Variants in COL6A2 observed in about 807,000 individuals in gnomAD.
COL6A2 encodes the protein collagen type VI alpha 2 chain.
A neutral mutation model predicts 124.9 loss-of-function variants in COL6A2; 90 were observed. That is an observed-to-expected ratio of 0.72 (90% CI 0.61 to 0.86). COL6A2 has a LOEUF of 0.86. Ranked by LOEUF, COL6A2 falls within the 40% of genes least tolerant of loss-of-function variation. COL6A2 has a pLI of 0.00. For missense variants in COL6A2, 1,607 were observed against 1,502.5 expected (o/e 1.07, Z -1.15); for synonymous variants, 793 against 618.2 (o/e 1.28, Z -4.19).
intron 27 of COL6A2, among the ~76,000 whole-genome samples, chr21:46,127,232 G>C (rs1006547463): frequency 6.6e-6 from 1 of 152,168 alleles, no homozygotes; most frequent in East Asian, 1.9e-4. Context: ...GGATGCCATG[G>C]AGACAGGGTG....
Position 46,116,232 on chromosome 21 carries a change from C to G in COL6A2, c.901-145C>G. The G allele has an allele frequency of 8.6e-7, 1 of 1,163,800 alleles. No homozygotes were observed. The highest frequency in any genetic ancestry group is 1.3e-6 in the Non-Finnish European group (1 of 799,298). The allele number at this position is 1,163,800 out of a possible 1,614,324, so 72.1% of individuals were successfully genotyped here. ...ACCCAGCCTCCAGCCCGACCCAGGG[C>G]TCAGCCTCCTCCGCAGACTGTTTGT... On this transcript the variant is annotated intron_variant, in intron 7 of 27. Coordinates refer to ENST00000300527, the MANE Select transcript of COL6A2 (RefSeq NM_001849.4). This position sits in a 1 kb window ranked among gnomAD's most constrained non-coding sequence, Gnocchi z 4.6.
Position 46,126,043 on chromosome 21 carries a change from A to G in COL6A2, c.2228A>G (p.Asn743Ser). The change falls in exon 26 of 28, where the codon AAC (asparagine) becomes AGC (serine). Residue 743 changes from asparagine (N) to serine (S), a missense_variant. Coordinates refer to ENST00000300527, the MANE Select transcript of COL6A2 (RefSeq NM_001849.4). The part of the protein sequence containing the change: ...GRHDPRDDDL[N>S]LRALCDRDVT... Reference sequence around the variant, plus strand: ...CACGACCCTCGGGACGATGACCTCAACTTGCGGGCGCTGTGCGACCGCGAC... The same window carrying G: ...CACGACCCTCGGGACGATGACCTCAGCTTGCGGGCGCTGTGCGACCGCGAC... 1 of 1,613,044 alleles carries G rather than the reference A, an allele frequency of 6.2e-7. No individual in the cohort carries two copies. Among genetic ancestry groups the G allele is most frequent in the Non-Finnish European group, 8.5e-7 (1 of 1,179,986 alleles).
intron 1 of COL6A2, among the ~76,000 whole-genome samples, chr21:46,099,542 G>A (rs2078264544): frequency 6.6e-6 from 1 of 151,130 alleles, no homozygotes; most frequent in Admixed American, 6.6e-5. Flanking sequence ...TTGAGTTGCT[G>A]CCTCCTGTGG....
intron 27 of COL6A2, chr21:46,129,638 C>T (rs756380220): frequency 5.5e-5 from 78 of 1,426,880 alleles, no homozygotes; most frequent in Non-Finnish European, 7.1e-5. Context: ...TCTGGGGCAG[C>T]TCCCAGCCTC....
rs370531466 is a variant in COL6A2, at chr21:46,112,196, G to A, written c.333G>A (p.Pro111=). Residue 111 remains proline, a synonymous_variant, in exon 3 of 28, where the codon CCG becomes CCA. Transcript: ENST00000300527. ...FSDQVEVFSP[P]GSDRASFIKN... is the part of the protein sequence containing the mutation. ...ACCAGGTGGAGGTGTTCAGCCCACC[G>A]GGCAGCGACCGGGCCTCCTTCATCA... 2.3e-5 allele frequency: 37 copies of A among 1,612,800 alleles called. No individual in the cohort carries two copies. Among genetic ancestry groups the A allele is most frequent in the Admixed American group, 6.7e-5 (4 of 60,010 alleles).
At chr21:46,111,106 G>C (rs139058395) in intron 1 of COL6A2, among the ~76,000 whole-genome samples, 1 of 152,138 alleles carries the variant, frequency 6.6e-6, no homozygotes, top group South Asian at 2.1e-4. Flanking sequence ...AGTGGGGGGC[G>C]CCAGACAGTG....
chr21:46,114,436 AAAAAG>A (rs1017046423), intron 5 of COL6A2, among the ~76,000 whole-genome samples: 24 of 152,056 alleles, frequency 1.6e-4, no homozygotes, highest in African/African-American at 4.1e-4. Flanking sequence ...AAAAAAAAAA[AAAAAG>A]AAAAGAAAGC....
chr21:46,104,650 A>G (rs2078318913), intron 1 of COL6A2, among the ~76,000 whole-genome samples: 1 of 152,234 alleles, frequency 6.6e-6, no homozygotes, highest in Non-Finnish European at 1.5e-5. Context: ...CTTCTAAAAT[A>G]TGATGAATGA....
At position 46,122,895 on chromosome 21, in the gene COL6A2, C is replaced by T; in HGVS notation, c.1629C>T (p.Gly543=). 1.2e-6 allele frequency: 2 copies of T among 1,613,386 alleles called. No individual in the cohort carries two copies. Among genetic ancestry groups the T allele is most frequent in the Non-Finnish European group, 1.7e-6 (2 of 1,179,954 alleles). Residue 543 remains glycine (G), a synonymous_variant, in exon 21 of 28, where the codon GGC becomes GGT. Coordinates refer to ENST00000300527, the MANE Select transcript of COL6A2 (RefSeq NM_001849.4). ...CACAGGGAGGCCGAGGCGACTTTGG[C>T]TTGAAAGGAGAACCTGGGAGGAAAG... The part of the protein sequence containing the change: ...RGPEGGRGDF[G]LKGEPGRKGE...
rs542139336 is a variant in COL6A2, at chr21:46,130,622, G to A, written c.2462-1332G>A. Among the ~76,000 whole-genome samples, 16 of 152,274 alleles carry A rather than the reference G, an allele frequency of 1.1e-4. No homozygotes were observed. In the East Asian group the frequency reaches 2.1e-3, roughly 20 times the overall value. On this transcript the variant is annotated intron_variant, in intron 27 of 27. Coordinates refer to ENST00000300527, the MANE Select transcript of COL6A2 (RefSeq NM_001849.4). ...CCTGGCCGGCCCCCACAGCTTCCCC[G>A]TCTCCTCCAGGCCCCACAGACACTG... is the stretch of plus-strand genomic sequence containing the variant.
chr21:46,129,118 T>C (rs2078720256), intron 27 of COL6A2: 2 of 1,607,422 alleles, frequency 1.2e-6, no homozygotes, highest in Non-Finnish European at 8.5e-7. Context: ...CTGGCCTCGC[T>C]GAGCGGCTGC....
Position 46,115,922 on chromosome 21 carries a change from A to G in COL6A2, c.852A>G (p.Arg284=), listed in dbSNP as rs1479293542. Residue 284 remains arginine, a synonymous_variant, in exon 6 of 28, where the codon AGA becomes AGG. Coordinates refer to ENST00000300527, the MANE Select transcript of COL6A2 (RefSeq NM_001849.4). The part of the protein sequence containing the change: ...GEPGEPGQKG[R]QGDPGIEGPI... The stretch of plus-strand genomic sequence containing the variant: ...CGGGAGAGCCTGGCCAGAAGGGAAG[A>G]CAGGTGAGTGTCCTTGCCCCACGCC... 1 of 1,612,766 alleles carries G rather than the reference A, an allele frequency of 6.2e-7. No individual in the cohort carries two copies. The highest frequency in any genetic ancestry group is 8.5e-7 in the Non-Finnish European group (1 of 1,179,992).
intron 1 of COL6A2, among the ~76,000 whole-genome samples, chr21:46,110,745 G>A (rs1033818012): frequency 5.3e-5 from 8 of 150,978 alleles, no homozygotes; most frequent in Non-Finnish European, 7.4e-5. Context: ...CCAGCTGCCC[G>A]GCTGCTGCCA....
chr21:46,100,113 T>G (rs2078273284), intron 1 of COL6A2, among the ~76,000 whole-genome samples: 1 of 151,988 alleles, frequency 6.6e-6, no homozygotes, highest in Admixed American at 6.6e-5. Flanking sequence ...TTGTTTGTTT[T>G]TTGAGACAGG....
At chr21:46,124,313 G>A (rs1431350641) in intron 21 of COL6A2, among the ~76,000 whole-genome samples, 2 of 150,012 alleles carry the variant, frequency 1.3e-5, no homozygotes, top group African/African-American at 2.5e-5. Flanking sequence ...GGGCGAATGG[G>A]TGGATGGGTG....
In COL6A2 at chr21:46,119,842, G is replaced by T; in HGVS notation, c.1324G>T (p.Gly442Trp). The T allele has an allele frequency of 6.4e-7, 1 of 1,559,598 alleles. No homozygotes were observed. Among genetic ancestry groups the T allele is most frequent in the Non-Finnish European group, 8.7e-7 (1 of 1,151,202 alleles). ...KGSPGSDGPK[G>W]EKGDPGPEGP... The stretch of plus-strand genomic sequence containing the variant: ...CAGCCCAGGCAGCGATGGCCCCAAG[G>T]GGGAGAAGGTGAGTCCTCGTGTGGA... The change falls in exon 15 of 28, where the codon GGG becomes TGG. Residue 442 changes from glycine to tryptophan, a missense_variant. By Grantham distance (184) the Gly-to-Trp change is radical. This residue lies in a region of COL6A2 where 1,223 missense variants were observed against 1,052.2 expected (regional missense o/e 1.16). Transcript: ENST00000300527.
In COL6A2 at chr21:46,112,077, C is replaced by G. The variant is rs370975647; in HGVS notation, c.214C>G (p.Gln72Glu). The G allele has an allele frequency of 1.9e-6, 3 of 1,613,072 alleles. No individual in the cohort carries two copies. The African/African-American group carries it at 4.0e-5, about 22-fold the overall frequency. Reference sequence around the variant, plus strand: ...GGACATCCTGCTCTTCCACATGAAGCAGTTCGTGCCGCAGTTCATCAGCCA... The same window carrying G: ...GGACATCCTGCTCTTCCACATGAAGGAGTTCGTGCCGCAGTTCATCAGCCA... ...PTDILLFHMK[Q>E]FVPQFISQLQ... Residue 72 changes from glutamine (Q) to glutamate (E), a missense_variant, in exon 3 of 28, where the codon CAG becomes GAG. By Grantham distance (29) the Gln-to-Glu change is conservative. Coordinates refer to ENST00000300527, the MANE Select transcript of COL6A2 (RefSeq NM_001849.4).
Position 46,122,829 on chromosome 21 carries a change from A to G in COL6A2, c.1609-46A>G, listed in dbSNP as rs182834722. ...TAAAAATCTCACTGGTGTCCCTGGT[A>G]GAGACAGCTCCTCTGTCCCAGGCTA... On this transcript the variant is annotated intron_variant, in intron 20 of 27. Coordinates refer to ENST00000300527, the MANE Select transcript of COL6A2 (RefSeq NM_001849.4). 4.4e-4 allele frequency: 688 copies of G among 1,565,268 alleles called. No individual in the cohort carries two copies. Among genetic ancestry groups the G allele is most frequent in the Non-Finnish European group, 5.5e-4 (627 of 1,136,060 alleles).
rs764582638 is a variant in COL6A2 at position 46,119,004 on chromosome 21, G to A, written c.1180-26G>A. The A allele has an allele frequency of 5.8e-6, 9 of 1,545,734 alleles. No individual in the cohort carries two copies. In the South Asian group the frequency reaches 1.0e-4, roughly 17 times the overall value. ...TGCCTCAGGGCCCCTGCCTCTGGGT[G>A]ACTGTGCTGTCCTCTCCTTCTTCAG... On this transcript the variant is annotated intron_variant, in intron 13 of 27. Transcript: ENST00000300527.
Sources: gnomAD v4.1 joint callset for allele counts (sites outside exome capture counted in the v4.1 genomes callset) on GRCh38, gnomAD v4.1.1 for gene constraint, gnomAD v4.1.1 regional missense constraint, Gnocchi (gnomAD v3.1) non-coding constraint, MANE v1.5 for transcripts, NCBI Gene and HGNC (gene_info 2026-07-23, HGNC 2026-07-21) for gene names.